The following FRMD6 variants were observed in gnomAD, a reference collection of about 807,000 sequenced individuals.
The protein encoded by FRMD6 is FERM domain containing 6, also known as FERM domain-containing protein 6.
FRMD6 carries 37 observed loss-of-function variants against 73.2 expected under a neutral mutation model. That is an observed-to-expected ratio of 0.51 (90% CI 0.39 to 0.66). The LOEUF is 0.66. Among genes scored for constraint, FRMD6 ranks in the 30% least tolerant of loss-of-function variants. The pLI is 0.00. For missense variants in FRMD6, 714 were observed against 780.5 expected (o/e 0.91, Z 1.02); for synonymous variants, 273 against 282.2 (o/e 0.97, Z 0.33).
upstream of FRMD6, chr14:51,651,450 C>T (rs975377064): frequency 6.6e-6 from 1 of 152,250 alleles, no homozygotes; most frequent in Non-Finnish European, 1.5e-5. Flanking sequence ...CAGCCCGACT[C>T]GGCTCTGGAG....
intron 2 of FRMD6, chr14:51,599,969 A>G (rs1889947656): frequency 6.6e-6 from 1 of 150,868 alleles, no homozygotes; most frequent in African/African-American, 2.4e-5. Flanking sequence ...CCGACGGCCA[A>G]CCTGGGCTTC....
the FRMD6 span, among the ~76,000 whole-genome samples, chr14:51,422,922 C>T: frequency 6.6e-6 from 1 of 152,164 alleles, no homozygotes; most frequent in Non-Finnish European, 1.5e-5. Flanking sequence ...TTGCCTTGAC[C>T]AATGAGATGT....
At position 51,728,349 on chromosome 14, in the gene FRMD6, G is replaced by A. The variant is rs756711168; in HGVS notation, c.*320G>A. On this transcript the variant is annotated 3_prime_UTR_variant, in exon 14 of 14. Transcript: ENST00000344768. ...GTGTTTGCTCATCTGATGCTTTTTA[G>A]TTCAGTTACATGTAACATCACATTT... 3 of 237,998 alleles carry A rather than the reference G, an allele frequency of 1.3e-5. No individual in the cohort carries two copies. Among genetic ancestry groups the A allele is most frequent in the Non-Finnish European group, 2.4e-5 (3 of 122,496 alleles). 14.7% of individuals were successfully genotyped at this position (237,998 alleles called of 1,614,324 possible).
At chr14:51,430,569 C>T in the FRMD6 span, among the ~76,000 whole-genome samples, 1 of 150,096 alleles carries the variant, frequency 6.7e-6, no homozygotes, top group Admixed American at 6.7e-5. Context: ...GTTAAAAAGT[C>T]AAGGTCAAAC....
chr14:51,670,012 C>T (rs8006957), intron 1 of FRMD6, among the ~76,000 whole-genome samples: 54,013 of 151,680 alleles, frequency 0.36, 9,745 homozygotes, highest in Middle Eastern at 0.47. Flanking sequence ...GATTAGAATC[C>T]GATTCTGGAT....
chr14:51,662,604 A>T (rs1173785572), intron 1 of FRMD6, among the ~76,000 whole-genome samples: 1 of 152,218 alleles, frequency 6.6e-6, no homozygotes, highest in Non-Finnish European at 1.5e-5. Flanking sequence ...TATACACAAG[A>T]TTGAAATTGG....
intron 5 of FRMD6, among the ~76,000 whole-genome samples, chr14:51,703,813 T>A (rs1165967093): frequency 1.3e-5 from 2 of 152,252 alleles, no homozygotes; most frequent in African/African-American, 4.8e-5. Flanking sequence ...TGTTTATTGT[T>A]ATCTGCTAAT....
chr14:51,436,971 C>T, the FRMD6 span: 2 of 897,056 alleles, frequency 2.2e-6, no homozygotes, highest in Non-Finnish European at 1.7e-6. Flanking sequence ...TAACAGAACA[C>T]TGATGGATTC....
At chr14:51,522,455 G>T (rs1012180595) in intron 1 of FRMD6, among the ~76,000 whole-genome samples, 5 of 152,112 alleles carry the variant, frequency 3.3e-5, no homozygotes, top group African/African-American at 1.2e-4. Context: ...TAGCTTTGTT[G>T]TTTAGGTTTC....
At chr14:51,702,690 T>A in intron 5 of FRMD6, 102 bp downstream of exon 5, 1 of 954,842 alleles carries the variant, frequency 1.0e-6, no homozygotes. Flanking sequence ...TCTTCACCTT[T>A]AGGATATAAA....
intron 1 of FRMD6, among the ~76,000 whole-genome samples, chr14:51,655,732 A>G (rs1230655070): frequency 4.6e-5 from 7 of 152,214 alleles, no homozygotes; most frequent in African/African-American, 1.7e-4. Flanking sequence ...TTTTTAGCTG[A>G]GAAAAAAGGA....
intron 2 of FRMD6, among the ~76,000 whole-genome samples, chr14:51,623,347 T>C (rs1891000985): frequency 6.6e-6 from 1 of 152,234 alleles, no homozygotes; most frequent in Non-Finnish European, 1.5e-5. Flanking sequence ...TTATATTTCC[T>C]GACTGGTAAT....
intron 2 of FRMD6, among the ~76,000 whole-genome samples, chr14:51,645,522 C>T (rs749434916): frequency 3.9e-5 from 6 of 152,128 alleles, no homozygotes; most frequent in African/African-American, 7.2e-5. Flanking sequence ...CTTGACCTCC[C>T]GGGCTCAAGT....
the FRMD6 span, among the ~76,000 whole-genome samples, chr14:51,431,881 G>A: frequency 6.6e-5 from 10 of 152,126 alleles, no homozygotes; most frequent in Non-Finnish European, 1.3e-4. Context: ...TTGCTCATGT[G>A]GAAAGAAAGT....
At chr14:51,564,918 G>A (rs1335051783) in intron 1 of FRMD6, among the ~76,000 whole-genome samples, 1 of 152,242 alleles carries the variant, frequency 6.6e-6, no homozygotes, top group Non-Finnish European at 1.5e-5. Flanking sequence ...ACACAGGGAA[G>A]TGATTTTTCA....
intron 1 of FRMD6, among the ~76,000 whole-genome samples, chr14:51,670,563 A>G (rs1014821841): frequency 1.3e-5 from 2 of 152,102 alleles, no homozygotes; most frequent in East Asian, 1.9e-4. Flanking sequence ...TGCATTGAAT[A>G]TATAGATTAG....
At chr14:51,636,697 G>A (rs1891581899) in intron 2 of FRMD6, among the ~76,000 whole-genome samples, 1 of 152,186 alleles carries the variant, frequency 6.6e-6, no homozygotes. Context: ...TGTGGGATGT[G>A]ACCCCTTAAA....
At chr14:51,657,542 G>A (rs536957515) in intron 1 of FRMD6, among the ~76,000 whole-genome samples, 14 of 152,230 alleles carry the variant, frequency 9.2e-5, no homozygotes, top group Non-Finnish European at 1.9e-4. Flanking sequence ...GGTCGCAATA[G>A]GTCTTTTTTC....
chr14:51,503,056 T>C (rs1462068658), intron 1 of FRMD6, among the ~76,000 whole-genome samples: 1 of 152,172 alleles, frequency 6.6e-6, no homozygotes, highest in Admixed American at 6.5e-5. Flanking sequence ...TGTATACTGA[T>C]AGTTTGCTGA....
Sources: allele counts gnomAD v4.1 joint callset (sites outside exome capture counted in the v4.1 genomes callset), GRCh38; gene constraint gnomAD v4.1.1; transcripts MANE v1.5; gene names NCBI Gene and HGNC (gene_info 2026-07-23, HGNC 2026-07-21).